The following CPLX1 variants were observed in gnomAD, a reference collection of about 807,000 sequenced individuals.
The protein encoded by CPLX1 is complexin-1.
A neutral mutation model predicts 15.6 loss-of-function variants in CPLX1; 6 were observed. The ratio of observed to expected loss-of-function variants is 0.39; its 90% CI spans 0.21 to 0.76. The LOEUF (loss-of-function observed/expected upper bound fraction) is 0.76, where lower values mean the gene tolerates loss of function less well. CPLX1 is among the 30% of genes least tolerant of loss of function. CPLX1 has a pLI of 0.43. For missense variants in CPLX1, 242 were observed against 188.6 expected, an observed-to-expected ratio of 1.28 and a Z score of -1.66; for synonymous variants, 91 against 75.2, an observed-to-expected ratio of 1.21 and a Z score of -1.08.
At chr4:814,919 T>C (rs1746723057) in intron 2 of CPLX1, among the ~76,000 whole-genome samples, 1 of 152,212 alleles carries the variant, frequency 6.6e-6, no homozygotes, top group African/African-American at 2.4e-5. Context: ...CCCCATTCAT[T>C]TCCCATTAGG....
intron 3 of CPLX1, chr4:788,063 T>G (rs1046979417): frequency 5.7e-5 from 56 of 985,232 alleles, no homozygotes; most frequent in African/African-American, 7.0e-5. Flanking sequence ...GCACCAGCAC[T>G]CTACAGGACG....
At position 818,046 on chromosome 4, in the gene CPLX1, A is replaced by G. The variant is rs917990911; in HGVS notation, c.31+6446T>C. ...TGGGCAAGGTCAGAAGAATGACCAC[A>G]GGTGAATCTGGTGTAAAAGAAGGTT... On this transcript the variant is annotated intron_variant, in intron 2 of 3. Transcript: ENST00000304062. 2.0e-5 allele frequency among the ~76,000 whole-genome samples: 3 copies of G among 152,332 alleles called. No individual in the cohort carries two copies. The Middle Eastern group carries it at 0.01, about 518-fold the overall frequency.
rs1036939221 is a variant in CPLX1 at position 788,533 on chromosome 4, G to A, written c.208-1835C>T. ...TCAGTGAAACGAAGAGCACAGGGTAGGAACGTTCTCCGCACAACAGGGGCG... is the reference window on the plus strand; with the variant it reads ...TCAGTGAAACGAAGAGCACAGGGTAAGAACGTTCTCCGCACAACAGGGGCG... On this transcript the variant is annotated intron_variant, in intron 3 of 3. Transcript: ENST00000304062. 10 of 985,374 alleles carry A rather than the reference G, an allele frequency of 1.0e-5. No individual in the cohort carries two copies. In the South Asian group the frequency reaches 1.9e-4, roughly 19 times the overall value. The allele number at this position is 985,374 out of a possible 1,614,324, so 61.0% of individuals were successfully genotyped here. A position where few individuals can be genotyped will look rare whatever the true frequency, so the allele number is the denominator to read the frequency against.
At chr4:786,727 G>GGTCCCGGCGGCTCCCGGGCGGGC in intron 3 of CPLX1, 29 bp from the exon 4 acceptor site, 3 of 1,557,148 alleles carry the variant, frequency 1.9e-6, no homozygotes, top group Non-Finnish European at 2.6e-6. Context: ...TCAGGGCGGG[G>GGTCCCGGCGGCTCCCGGGCGGGC]GTCCCGGCGG....
Position 817,391 on chromosome 4 carries a change from T to TA in CPLX1, c.31+7100dup, listed in dbSNP as rs56378964. Among the ~76,000 whole-genome samples the TA allele has an allele frequency of 9.2e-3, 1,169 of 126,758 alleles. 20 individuals are homozygous for TA. Among genetic ancestry groups the TA allele is most frequent in the South Asian group, 0.061 (241 of 3,938 alleles). 83.2% of individuals were successfully genotyped at this position (126,758 alleles called of 152,430 possible). A position where few individuals can be genotyped will look rare whatever the true frequency, so the allele number is the denominator to read the frequency against. ...CAACACAGTGAAACCCCGTCTCTAC[T>TA]AAAAAAAAAAAAAAAAATTAGCCAG... On this transcript the variant is annotated intron_variant, in intron 2 of 3. Coordinates refer to ENST00000304062, the MANE Select transcript of CPLX1 (RefSeq NM_006651.4).
chr4:818,156 C>A (rs1189827173), intron 2 of CPLX1, among the ~76,000 whole-genome samples: 1 of 152,246 alleles, frequency 6.6e-6, no homozygotes, highest in African/African-American at 2.4e-5. Context: ...CGAGAGGCCC[C>A]AGTGCAGCTG....
chr4:823,890 G>A (rs910191015), intron 2 of CPLX1, among the ~76,000 whole-genome samples: 2 of 152,264 alleles, frequency 1.3e-5, no homozygotes, highest in Admixed American at 6.5e-5. Flanking sequence ...AAGGCTGCAC[G>A]TCCCGCCTGG....
chr4:789,638 G>A (rs1265293284), intron 3 of CPLX1, among the ~76,000 whole-genome samples: 1 of 152,196 alleles, frequency 6.6e-6, no homozygotes, highest in African/African-American at 2.4e-5. Flanking sequence ...GGGTCAGTGC[G>A]CGGAGCACAG....
intron 2 of CPLX1, among the ~76,000 whole-genome samples, chr4:810,500 C>T (rs577269239): frequency 2.6e-5 from 4 of 152,278 alleles, no homozygotes; most frequent in Non-Finnish European, 4.4e-5. Context: ...AGCATGAGGG[C>T]GTGGGTTTCT....
intron 1 of CPLX1, 180 bp from the exon 2 acceptor site, chr4:824,781 G>A (rs1244159294): frequency 1.5e-6 from 1 of 679,716 alleles, no homozygotes; most frequent in Non-Finnish European, 2.7e-6. Context: ...GGACCCCAGA[G>A]GACCTGAAAA....
At chr4:798,860 CAGAAG>C (rs1746398551) in intron 2 of CPLX1, among the ~76,000 whole-genome samples, 1 of 152,170 alleles carries the variant, frequency 6.6e-6, no homozygotes, top group African/African-American at 2.4e-5. Flanking sequence ...TAGAAGAAAA[CAGAAG>C]AGAAAATTTC....
At chr4:790,916 CT>C (rs1343338272) in intron 3 of CPLX1, among the ~76,000 whole-genome samples, 2 of 146,414 alleles carry the variant, frequency 1.4e-5, no homozygotes, top group Non-Finnish European at 3.0e-5. Flanking sequence ...TCTCTCTCCC[CT>C]CTCTCTTTCC....
chr4:786,729 T>TCCCGGCG (rs1160286431), intron 3 of CPLX1, 31 bp from the exon 4 acceptor site: 1 of 1,545,656 alleles, frequency 6.5e-7, no homozygotes. Flanking sequence ...AGGGCGGGGG[T>TCCCGGCG]CCCGGCGGCT....
intron 2 of CPLX1, among the ~76,000 whole-genome samples, chr4:813,862 C>A (rs1232360479): frequency 6.6e-6 from 1 of 152,076 alleles, no homozygotes; most frequent in African/African-American, 2.4e-5. Flanking sequence ...CCCAGAATTC[C>A]CACACACACA....
intron 2 of CPLX1, among the ~76,000 whole-genome samples, chr4:814,733 G>A (rs1366338596): frequency 1.3e-5 from 2 of 152,242 alleles, no homozygotes; most frequent in Non-Finnish European, 2.9e-5. Flanking sequence ...TGGAGTCCCT[G>A]TGCCAGAGTG....
intron 2 of CPLX1, among the ~76,000 whole-genome samples, chr4:818,291 G>A (rs1408258907): frequency 6.6e-6 from 1 of 152,204 alleles, no homozygotes; most frequent in African/African-American, 2.4e-5. Context: ...ACACCCAGGG[G>A]CCCTGGGCCT....
intron 2 of CPLX1, among the ~76,000 whole-genome samples, chr4:816,245 GTC>G (rs1746754477): frequency 7.5e-6 from 1 of 134,222 alleles, no homozygotes; most frequent in South Asian, 2.4e-4. Flanking sequence ...TTGAGACAGA[GTC>G]TCACTCTGTC....
At chr4:820,721 C>T (rs1048620116) in intron 2 of CPLX1, among the ~76,000 whole-genome samples, 4 of 151,840 alleles carry the variant, frequency 2.6e-5, no homozygotes, top group Non-Finnish European at 5.9e-5. Context: ...GAGATTCTTT[C>T]CCAACTGCAC....
At chr4:824,448 C>G (rs747602126) in intron 2 of CPLX1, 44 bp downstream of exon 2, 1 of 1,566,368 alleles carries the variant, frequency 6.4e-7, no homozygotes, top group African/African-American at 1.4e-5. Context: ...GGTGGTCTCT[C>G]CATGTCCCCT....
Sources: gnomAD v4.1 joint callset for allele counts (sites outside exome capture counted in the v4.1 genomes callset) on GRCh38, gnomAD v4.1.1 for gene constraint, MANE v1.5 for transcripts, NCBI Gene and HGNC (gene_info 2026-07-23, HGNC 2026-07-21) for gene names.